CTNND2: variants seen among roughly 807,000 people sequenced by gnomAD.
CTNND2 encodes catenin delta 2.
A neutral mutation model predicts 144.4 loss-of-function variants in CTNND2; 22 were observed. That is an observed-to-expected ratio of 0.15 (90% CI 0.11 to 0.22). The LOEUF (loss-of-function observed/expected upper bound fraction) is 0.22. Among genes scored for constraint, CTNND2 ranks in the 10% least tolerant of loss-of-function variants. The pLI is 1.00. For missense variants in CTNND2, 1,353 were observed against 1,618.8 expected, an observed-to-expected ratio of 0.84 and a Z score of 2.82; for synonymous variants, 751 against 695.6, an observed-to-expected ratio of 1.08 and a Z score of -1.25.
chr5:11,384,544 T>C lies in CTNND2; in HGVS notation c.1177+121A>G, dbSNP rs1272471575. The C allele has an allele frequency of 2.3e-6, 2 of 866,336 alleles. No individual in the cohort carries two copies. Among genetic ancestry groups the C allele is most frequent in the South Asian group, 1.8e-5 (1 of 56,496 alleles). The allele number at this position is 866,336 out of a possible 1,614,324, so 53.7% of individuals were successfully genotyped here. On this transcript the variant is annotated intron_variant, in intron 7 of 21. Transcript: ENST00000304623. This position sits in a 1 kb window ranked among gnomAD's most constrained non-coding sequence, Gnocchi z 5.2. The stretch of plus-strand genomic sequence containing the variant: ...GAAAGCCCTGGCGTTCTCTGTCTCC[T>C]GCAACTACTACAACCTGGCAGACAG...
chr5:11,371,879 A>G (rs577678489), intron 7 of CTNND2, among the ~76,000 whole-genome samples: 3 of 152,346 alleles, frequency 2.0e-5, no homozygotes, highest in Non-Finnish European at 4.4e-5. Context: ...CTGAAACCAA[A>G]TAATTCCAGT....
chr5:11,674,751 G>C (rs1361324074), intron 2 of CTNND2, among the ~76,000 whole-genome samples: 3 of 152,088 alleles, frequency 2.0e-5, no homozygotes, highest in South Asian at 4.1e-4. Context: ...TTTTGAGACA[G>C]AGTCTTCCTC....
At chr5:11,331,559 T>A (rs951640819) in intron 9 of CTNND2, among the ~76,000 whole-genome samples, 5 of 152,216 alleles carry the variant, frequency 3.3e-5, no homozygotes, top group African/African-American at 9.7e-5. Context: ...GATTATTTTT[T>A]ATTTATTTCC....
intron 5 of CTNND2, among the ~76,000 whole-genome samples, chr5:11,405,553 G>C (rs1282883368): frequency 6.6e-6 from 1 of 151,694 alleles, no homozygotes; most frequent in Non-Finnish European, 1.5e-5. Context: ...TTGCACTCCA[G>C]CCTGGCGACA....
intron 9 of CTNND2, among the ~76,000 whole-genome samples, chr5:11,309,961 T>C (rs1478611138): frequency 6.6e-6 from 1 of 152,132 alleles, no homozygotes; most frequent in Non-Finnish European, 1.5e-5. Flanking sequence ...TCTGCCATTA[T>C]TGTAAGTTTC....
At chr5:11,276,951 A>AT (rs1453832397) in intron 9 of CTNND2, among the ~76,000 whole-genome samples, 1 of 152,200 alleles carries the variant, frequency 6.6e-6, no homozygotes, top group African/African-American at 2.4e-5. Context: ...TGATTTCTCG[A>AT]TTTTAGACCT....
rs186661650 is a variant in CTNND2, at chr5:11,444,546, A to T, written c.288-32477T>A. Among the ~76,000 whole-genome samples, 52 of 152,256 alleles carry T rather than the reference A, an allele frequency of 3.4e-4. No homozygotes were observed. The South Asian group carries it at 8.7e-3, about 26-fold the overall frequency. ...GCAAAACCCCATCTCTACTAAAAAT[A>T]CAAAAATTAGCTTGGTGTGGTGGTT... On this transcript the variant is annotated intron_variant, in intron 3 of 21. Transcript: ENST00000304623.
At chr5:11,396,314 A>G (rs532770449) in intron 6 of CTNND2, among the ~76,000 whole-genome samples, 9 of 152,318 alleles carry the variant, frequency 5.9e-5, no homozygotes, top group Admixed American at 5.2e-4. Context: ...AAATTATAAA[A>G]ACTAAAATAT....
intron 1 of CTNND2, among the ~76,000 whole-genome samples, chr5:11,790,355 G>A (rs1469838798): frequency 1.3e-5 from 2 of 152,104 alleles, no homozygotes; most frequent in East Asian, 3.9e-4. Flanking sequence ...ATTTCAATAT[G>A]AAGTCCTGGA....
chr5:11,221,355 T>C (rs759691073), intron 10 of CTNND2, among the ~76,000 whole-genome samples: 1 of 152,214 alleles, frequency 6.6e-6, no homozygotes, highest in Non-Finnish European at 1.5e-5. Flanking sequence ...AGATGGCACA[T>C]GTAGGTGCCC....
intron 2 of CTNND2, among the ~76,000 whole-genome samples, chr5:11,609,583 T>C (rs1780218437): frequency 6.6e-6 from 1 of 151,754 alleles, no homozygotes; most frequent in African/African-American, 2.4e-5. Flanking sequence ...ATAATACTAT[T>C]ATATTAAATA....
chr5:11,263,720 T>C (rs866563272), intron 9 of CTNND2, among the ~76,000 whole-genome samples: 1 of 152,334 alleles, frequency 6.6e-6, no homozygotes, highest in Non-Finnish European at 1.5e-5. Flanking sequence ...TGTGTGTATC[T>C]CTGCACTTAC....
intron 9 of CTNND2, among the ~76,000 whole-genome samples, chr5:11,332,191 C>T (rs1234229896): frequency 1.3e-5 from 2 of 151,144 alleles, no homozygotes; most frequent in African/African-American, 2.4e-5. Flanking sequence ...AGGAGAATCG[C>T]TTGAACCTGG....
At chr5:11,614,568 C>G (rs1175071177) in intron 2 of CTNND2, among the ~76,000 whole-genome samples, 2 of 152,182 alleles carry the variant, frequency 1.3e-5, no homozygotes, top group Non-Finnish European at 2.9e-5. Context: ...AATGTAAAGG[C>G]AGAGACATGT....
chr5:11,356,713 A>C (rs1755918835), intron 8 of CTNND2, among the ~76,000 whole-genome samples: 1 of 152,044 alleles, frequency 6.6e-6, no homozygotes, highest in Admixed American at 6.6e-5. Context: ...TAATATTAAT[A>C]GGCAAACTAT....
intron 3 of CTNND2, among the ~76,000 whole-genome samples, chr5:11,511,015 T>C (rs928027748): frequency 8.5e-5 from 13 of 152,148 alleles, no homozygotes; most frequent in African/African-American, 3.1e-4. Context: ...CAGCAAAGAC[T>C]CTACATGACA....
At chr5:11,211,035 AAAG>A (rs1411441025) in intron 10 of CTNND2, among the ~76,000 whole-genome samples, 1 of 152,242 alleles carries the variant, frequency 6.6e-6, no homozygotes, top group African/African-American at 2.4e-5. Flanking sequence ...TCTTCTGCTT[AAAG>A]AAGATCCACT....
At chr5:11,454,020 G>C (rs781422871) in intron 3 of CTNND2, among the ~76,000 whole-genome samples, 12 of 152,110 alleles carry the variant, frequency 7.9e-5, no homozygotes, top group Admixed American at 1.3e-4. Flanking sequence ...AAGAACAACA[G>C]GCAGAATTAA....
chr5:11,065,406 C>T lies in CTNND2; in HGVS notation c.2788+17290G>A, dbSNP rs146431210. On this transcript the variant is annotated intron_variant, in intron 16 of 21. Coordinates refer to ENST00000304623, the MANE Select transcript of CTNND2 (RefSeq NM_001332.4). Reference sequence around the variant, plus strand: ...TGTGTATACTTTAAATATTTATCCCCAGGAGCCCTGATACTTTGTCATTCA... The same window carrying T: ...TGTGTATACTTTAAATATTTATCCCTAGGAGCCCTGATACTTTGTCATTCA... Among the ~76,000 whole-genome samples, 967 of 152,332 alleles carry T rather than the reference C, an allele frequency of 6.3e-3. 11 individuals carry two copies. Among genetic ancestry groups the T allele is most frequent in the African/African-American group, 0.021 (857 of 41,574 alleles).
Sources: allele counts gnomAD v4.1 joint callset (sites outside exome capture counted in the v4.1 genomes callset), GRCh38; gene constraint gnomAD v4.1.1; non-coding constraint Gnocchi (gnomAD v3.1); transcripts MANE v1.5; gene names NCBI Gene and HGNC (gene_info 2026-07-23, HGNC 2026-07-21).